DYNLT2: variants seen among roughly 807,000 people sequenced by gnomAD.
DYNLT2 encodes dynein light chain Tctex-type 2, also known as dynein light chain Tctex-type protein 2.
In DYNLT2, 24 loss-of-function variants were observed where a neutral mutation model predicts 24.3. The ratio of observed to expected loss-of-function variants is 0.99; its 90% CI spans 0.71 to 1.39. The LOEUF is 1.39. Ranked by LOEUF, DYNLT2 falls within the 40% of genes most tolerant of loss-of-function variation. DYNLT2 has a pLI of 0.00. For synonymous variants in DYNLT2, 85 were observed against 85.4 expected (o/e 1.00, Z 0.03); for missense variants, 246 against 234.5 (o/e 1.05, Z -0.32).
intron 1 of DYNLT2, chr6:169,749,877 T>A (rs1789915829): frequency 6.6e-6 from 1 of 152,190 alleles, no homozygotes; most frequent in African/African-American, 2.4e-5. Flanking sequence ...TTTCCTATGC[T>A]CCAAAATAGG....
chr6:169,751,541 G>GTC lies in DYNLT2; in HGVS notation c.-85_-84dup. On this transcript the variant is annotated 5_prime_UTR_variant, in exon 1 of 4. Transcript: ENST00000366774. The stretch of plus-strand genomic sequence containing the variant: ...CCTAGCCAGTCCCGCGAGGGCGGAA[G>GTC]TCTCCCACCTGCGCCTCGTACGGTA... The GTC allele has an allele frequency of 6.2e-7, 1 of 1,610,684 alleles. No individual in the cohort carries two copies. The highest frequency in any genetic ancestry group is 8.5e-7 in the Non-Finnish European group (1 of 1,178,848).
At chr6:169,745,550 A>G (rs968583897) in intron 1 of DYNLT2, among the ~76,000 whole-genome samples, 1 of 152,096 alleles carries the variant, frequency 6.6e-6, no homozygotes, top group African/African-American at 2.4e-5. Context: ...GGTTTATTTC[A>G]TTTAGTTAAT....
At chr6:169,727,251 C>T in the DYNLT2 span, among the ~76,000 whole-genome samples, 1 of 152,178 alleles carries the variant, frequency 6.6e-6, no homozygotes, top group Admixed American at 6.5e-5. Context: ...ATAGACAACT[C>T]TTCTGTGTAG....
intron 1 of DYNLT2, chr6:169,749,930 G>A (rs1399639356): frequency 6.6e-6 from 1 of 152,182 alleles, no homozygotes; most frequent in Non-Finnish European, 1.5e-5. Flanking sequence ...TAAGTGAACA[G>A]TTTCCTCAGG....
At chr6:169,727,092 G>A in the DYNLT2 span, among the ~76,000 whole-genome samples, 3 of 152,228 alleles carry the variant, frequency 2.0e-5, no homozygotes, top group Non-Finnish European at 4.4e-5. Context: ...AAGTTAGTAA[G>A]GTGGCAGAGA....
the DYNLT2 span, chr6:169,725,904 C>G: frequency 6.6e-6 from 1 of 152,282 alleles, no homozygotes; most frequent in African/African-American, 2.4e-5. Context: ...CAACCTTGGA[C>G]TGGCCATCCC....
chr6:169,744,021 G>A, intron 2 of DYNLT2, 47 bp downstream of exon 2: 1 of 1,554,016 alleles, frequency 6.4e-7, no homozygotes, highest in South Asian at 1.1e-5. Flanking sequence ...CTGTTTCTCT[G>A]TAGAACCCTC....
chr6:169,730,138 G>C, the DYNLT2 span, among the ~76,000 whole-genome samples: 1 of 152,204 alleles, frequency 6.6e-6, no homozygotes, highest in Non-Finnish European at 1.5e-5. Context: ...AATGAAATTT[G>C]CTTGAATATT....
At chr6:169,730,760 T>C in the DYNLT2 span, among the ~76,000 whole-genome samples, 1 of 152,070 alleles carries the variant, frequency 6.6e-6, no homozygotes. Context: ...TAGCCGGGCA[T>C]GGTGGCAGGC....
Position 169,751,562 on chromosome 6 carries a change from C to A in DYNLT2, c.-104G>T. ...GGAAGTCTCCCACCTGCGCCTCGTA[C>A]GGTAGGAAGTGCCCGCCAGGGCTCC... On this transcript the variant is annotated 5_prime_UTR_variant, in exon 1 of 4. Transcript: ENST00000366774. 3.1e-6 allele frequency: 5 copies of A among 1,609,492 alleles called. No homozygotes were observed. Among genetic ancestry groups the A allele is most frequent in the Non-Finnish European group, 4.2e-6 (5 of 1,178,362 alleles).
chr6:169,727,479 C>G, the DYNLT2 span, among the ~76,000 whole-genome samples: 50 of 152,256 alleles, frequency 3.3e-4, no homozygotes, highest in African/African-American at 1.2e-3. Context: ...AGACAGGAAG[C>G]AGAATCCACC....
the DYNLT2 span, among the ~76,000 whole-genome samples, chr6:169,729,177 T>TGA: frequency 6.6e-6 from 1 of 152,220 alleles, no homozygotes; most frequent in Admixed American, 6.5e-5. Flanking sequence ...GAAAAAGTCT[T>TGA]TATATCGGCC....
intron 2 of DYNLT2, among the ~76,000 whole-genome samples, 191 bp from the exon 3 acceptor site, chr6:169,743,429 G>A (rs2128335753): frequency 6.6e-6 from 1 of 151,954 alleles, no homozygotes; most frequent in East Asian, 1.9e-4. Flanking sequence ...ATTTATTGGG[G>A]TTTTCAAATT....
At chr6:169,743,030 A>G in intron 3 of DYNLT2, 50 bp downstream of exon 3, 1 of 1,369,626 alleles carries the variant, frequency 7.3e-7, no homozygotes, top group Non-Finnish European at 9.7e-7. Flanking sequence ...ACTAGGGAGG[A>G]GATGCCTTAT....
chr6:169,725,236 G>A, the DYNLT2 span: 1 of 398,782 alleles, frequency 2.5e-6, no homozygotes. Flanking sequence ...GCCTGCGCCT[G>A]CAGATGACTT....
rs765094281 is a variant in DYNLT2, at chr6:169,751,486, G to A, written c.-28C>T. ...CGCTCTGTTCTCCAAGACGCCCACC[G>A]CCTCCCCTTCACCGCCGGCGGTCAA... On this transcript the variant is annotated 5_prime_UTR_variant, in exon 1 of 4. Transcript: ENST00000366774. 8.1e-6 allele frequency: 13 copies of A among 1,610,836 alleles called. No individual in the cohort carries two copies. Among genetic ancestry groups the A allele is most frequent in the Admixed American group, 6.7e-5 (4 of 59,824 alleles).
At position 169,743,121 on chromosome 6, in the gene DYNLT2, TA is replaced by T. The variant is rs778513600; in HGVS notation, c.444del (p.Ile149Ter). ...GTCTTTTGAATAAATAATACTTTTA[TA>T]ATGAACTTATAACGGTGGTACCCAA... ...KEFGYHRYKF[I>X]IKVLFIQKTG... On this transcript the variant is annotated frameshift_variant, in exon 3 of 4. Transcript: ENST00000366774. LOFTEE classifies it high-confidence loss of function. 8.1e-5 allele frequency: 128 copies of T among 1,579,290 alleles called. No individual in the cohort carries two copies. The highest frequency in any genetic ancestry group is 9.8e-5 in the Non-Finnish European group (113 of 1,157,862).
At position 169,751,342 on chromosome 6, in the gene DYNLT2, C is replaced by T; in HGVS notation, c.117G>A (p.Glu39=). The change falls in exon 1 of 4, where the codon GAG becomes GAA. Residue 39 remains glutamate, a synonymous_variant. Transcript: ENST00000366774. ...KERRPSMFEK[E]AYTQILRERL... ...CCCTAGCAGTCTCCGCACTCACTGC[C>T]TCCTTCTCGAACATGCTAGGCCTCC... 6.2e-7 allele frequency: 1 copy of T among 1,613,856 alleles called. No homozygotes were observed.
intron 1 of DYNLT2, among the ~76,000 whole-genome samples, chr6:169,748,301 C>T (rs2184195): frequency 0.18 from 27,320 of 151,930 alleles, 2,995 homozygotes; most frequent in African/African-American, 0.3. Flanking sequence ...CTCCTAACTC[C>T]TTTTGAAATA....
Sources: gnomAD v4.1 joint callset for allele counts (sites outside exome capture counted in the v4.1 genomes callset) on GRCh38, gnomAD v4.1.1 for gene constraint, MANE v1.5 for transcripts, NCBI Gene and HGNC (gene_info 2026-07-23, HGNC 2026-07-21) for gene names.